The following C1QTNF5 variants were observed in gnomAD, a reference collection of about 807,000 sequenced individuals.
The protein encoded by C1QTNF5 is C1q and TNF related 5, also known as complement C1q tumor necrosis factor-related protein 5.
Under a neutral mutation model 10.9 loss-of-function variants are expected in C1QTNF5, and 5 were observed. The observed-to-expected ratio is 0.46, with a 90% CI of 0.24 to 0.97. C1QTNF5 has a LOEUF of 0.97. Among genes scored for constraint, C1QTNF5 ranks in the 50% least tolerant of loss-of-function variants. C1QTNF5 has a pLI of 0.19. For missense variants in C1QTNF5, 281 were observed against 339.4 expected (o/e 0.83, Z 1.35); for synonymous variants, 161 against 156.5 (o/e 1.03, Z -0.22).
At chr11:119,342,834 G>A, upstream of C1QTNF5, 1 of 1,613,028 alleles carries the variant, frequency 6.2e-7, no homozygotes, top group African/African-American at 1.3e-5. Context: ...CCCTGGAGGT[G>A]CCTCTACTGC....
upstream of C1QTNF5, among the ~76,000 whole-genome samples, chr11:119,343,330 G>A (rs1379236500): frequency 6.6e-6 from 1 of 152,192 alleles, no homozygotes; most frequent in Admixed American, 6.5e-5. Context: ...GGGCGATATA[G>A]TGAGACCTTG....
chr11:119,342,326 A>G (rs1354664789), upstream of C1QTNF5, among the ~76,000 whole-genome samples: 1 of 152,160 alleles, frequency 6.6e-6, no homozygotes, highest in Non-Finnish European at 1.5e-5. Context: ...GGCTGTGGAA[A>G]GGGGCTCTGG....
Position 119,339,607 on chromosome 11 carries a change from G to A in C1QTNF5, c.456C>T (p.Tyr152=), listed in dbSNP as rs1268428488. 1 of 1,613,112 alleles carries A rather than the reference G, an allele frequency of 6.2e-7. No homozygotes were observed. The highest frequency in any genetic ancestry group is 8.5e-7 in the Non-Finnish European group (1 of 1,180,044). Residue 152 remains tyrosine, a synonymous_variant, in exon 3 of 3, where the codon TAC becomes TAT. Coordinates refer to ENST00000528368, the MANE Select transcript of C1QTNF5 (RefSeq NM_001278431.2). The surrounding 1 kb of genome is among the most constrained non-coding windows in gnomAD (Gnocchi z 5.4). ...GGTAGACGGTGGCATGGACGGCGAA[G>A]TAGTAGACCCCAGGCACCTGGCAGG... is the stretch of plus-strand genomic sequence containing the variant. ...KFTCQVPGVY[Y]FAVHATVYRA... is the part of the protein sequence containing the mutation.
upstream of C1QTNF5, chr11:119,344,982 G>T (rs767183449): frequency 1.9e-6 from 3 of 1,606,992 alleles, no homozygotes; most frequent in Admixed American, 1.7e-5. Flanking sequence ...TTGAGCGTGG[G>T]GGGAGGCACC....
At chr11:119,345,990 C>T in the C1QTNF5 span, 783 of 1,612,852 alleles carry the variant, frequency 4.9e-4, no homozygotes, top group Non-Finnish European at 6.1e-4. Context: ...GCTGGGAGAG[C>T]GGCTCATGGA....
chr11:119,345,539 G>A (rs756453163), upstream of C1QTNF5: 7 of 1,614,088 alleles, frequency 4.3e-6, no homozygotes, highest in Non-Finnish European at 5.9e-6. Context: ...TGGCCACCTG[G>A]ATATGCCACA....
upstream of C1QTNF5, chr11:119,344,434 G>T (rs756984694): frequency 7.5e-6 from 12 of 1,591,596 alleles, no homozygotes; most frequent in Non-Finnish European, 1.0e-5. Context: ...TAGGATCTGT[G>T]CCTCCATCCA....
chr11:119,344,448 G>T, upstream of C1QTNF5: 1 of 1,569,034 alleles, frequency 6.4e-7, no homozygotes, highest in Non-Finnish European at 8.7e-7. Context: ...CCATCCAATA[G>T]GGCTGGCGGT....
At chr11:119,345,345 CT>C, upstream of C1QTNF5, 1 of 1,475,816 alleles carries the variant, frequency 6.8e-7, no homozygotes, top group East Asian at 2.3e-5. Context: ...GCCCTTCTCC[CT>C]GCCACTCCCT....
At chr11:119,344,874 C>T (rs778144527), upstream of C1QTNF5, 45 of 1,613,082 alleles carry the variant, frequency 2.8e-5, no homozygotes, top group East Asian at 1.3e-4. Flanking sequence ...ACACACTCAC[C>T]GCGCCCAGGG....
At chr11:119,342,652 C>T (rs1210309912), upstream of C1QTNF5, 5 of 1,613,614 alleles carry the variant, frequency 3.1e-6, no homozygotes, top group Non-Finnish European at 4.2e-6. Context: ...GGTGCAGTCT[C>T]TCCACATGTC....
Position 119,339,813 on chromosome 11 carries a change from C to T in C1QTNF5, c.250G>A (p.Gly84Arg). Residue 84 changes from glycine (G) to arginine (R), a missense_variant, in exon 3 of 3, where the codon GGA becomes AGA. By Grantham distance (125) the Gly-to-Arg change is moderately radical. Coordinates refer to ENST00000528368, the MANE Select transcript of C1QTNF5 (RefSeq NM_001278431.2). This position sits in a 1 kb window ranked among gnomAD's most constrained non-coding sequence, Gnocchi z 5.4. ...PGPRGDPGPR[G>R]EAGPAGPTGP... ...GTGGGCCCCGCGGGTCCCGCCTCTC[C>T]TCGCGGCCCGGGGTCCCCTCGAGGT... The T allele has an allele frequency of 1.3e-6, 2 of 1,521,904 alleles. No individual in the cohort carries two copies. Among genetic ancestry groups the T allele is most frequent in the Non-Finnish European group, 1.8e-6 (2 of 1,140,872 alleles). 94.3% of individuals were successfully genotyped at this position (1,521,904 alleles called of 1,614,324 possible).
chr11:119,344,912 C>A (rs1455274003), upstream of C1QTNF5: 3 of 1,612,206 alleles, frequency 1.9e-6, no homozygotes, highest in Non-Finnish European at 2.5e-6. Context: ...GGCATGGAAA[C>A]CAAATCCTTC....
At chr11:119,344,515 A>C, upstream of C1QTNF5, 1 of 1,589,246 alleles carries the variant, frequency 6.3e-7, no homozygotes, top group Non-Finnish European at 8.6e-7. Flanking sequence ...GGGCCAAAGA[A>C]TGACTGAGCA....
chr11:119,339,486 C>A lies in C1QTNF5; in HGVS notation c.577G>T (p.Gly193Trp). ...GGWPKPASLSGGAMVRLEPED... is the reference protein window; with the variant it reads ...GGWPKPASLSWGAMVRLEPED... ...GGCTCCAGCCTCACCATGGCCCCCC[C>A]CGAGAGCGAGGCTGGCTTGGGCCAC... The change falls in exon 3 of 3, where the codon GGG (glycine) becomes TGG (tryptophan). Residue 193 changes from glycine (G) to tryptophan (W), a missense_variant. By Grantham distance (184) the Gly-to-Trp change is radical. Coordinates refer to ENST00000528368, the MANE Select transcript of C1QTNF5 (RefSeq NM_001278431.2). The surrounding 1 kb of genome is among the most constrained non-coding windows in gnomAD (Gnocchi z 5.4). 6.2e-7 allele frequency: 1 copy of A among 1,614,060 alleles called. No individual in the cohort carries two copies. The highest frequency in any genetic ancestry group is 8.5e-7 in the Non-Finnish European group (1 of 1,180,036).
the C1QTNF5 span, chr11:119,346,678 T>G: frequency 7.0e-6 from 5 of 715,492 alleles, no homozygotes; most frequent in South Asian, 1.5e-5. Flanking sequence ...TAGAGTGGTT[T>G]GGCCTATGGG....
chr11:119,343,737 T>C, upstream of C1QTNF5: 1 of 1,562,654 alleles, frequency 6.4e-7, no homozygotes, highest in Non-Finnish European at 8.8e-7. Context: ...GAGAATGGAA[T>C]GTGCTGGGCC....
At chr11:119,344,268 T>G (rs1245367314), upstream of C1QTNF5, 9 of 1,550,740 alleles carry the variant, frequency 5.8e-6, no homozygotes, top group African/African-American at 1.4e-5. Context: ...GGGGATCAGG[T>G]GCTTCCGTGT....
upstream of C1QTNF5, chr11:119,344,236 G>A (rs1453772499): frequency 2.3e-6 from 3 of 1,328,544 alleles, no homozygotes; most frequent in African/African-American, 2.9e-5. Context: ...TGTCTACCAT[G>A]CCATTCCCAT....
Sources: gnomAD v4.1 joint callset for allele counts (sites outside exome capture counted in the v4.1 genomes callset) on GRCh38, gnomAD v4.1.1 for gene constraint, Gnocchi (gnomAD v3.1) non-coding constraint, MANE v1.5 for transcripts, NCBI Gene and HGNC (gene_info 2026-07-23, HGNC 2026-07-21) for gene names.